The following LDHB variants were observed in gnomAD, a reference collection of about 807,000 sequenced individuals.
LDHB encodes the protein L-lactate dehydrogenase B chain.
In LDHB, 18 loss-of-function variants were observed where a neutral mutation model predicts 33.4. The observed-to-expected ratio is 0.54, with a 90% CI of 0.37 to 0.80. The LOEUF (loss-of-function observed/expected upper bound fraction) is 0.80. Ranked by LOEUF, LDHB falls within the 30% of genes least tolerant of loss-of-function variation. The pLI is 0.00. For synonymous variants in LDHB, 121 were observed against 140.6 expected, an observed-to-expected ratio of 0.86 and a Z score of 0.98; for missense variants, 345 against 407.9, an observed-to-expected ratio of 0.85 and a Z score of 1.33.
chr12:21,638,275 C>A, intron 6 of LDHB, 78 bp downstream of exon 6: 2 of 835,206 alleles, frequency 2.4e-6, no homozygotes, highest in Non-Finnish European at 4.2e-6. Context: ...TCTGAGCAGA[C>A]AGCCATGGAA....
Position 21,654,656 on chromosome 12 carries a change from C to T in LDHB, c.16G>A (p.Glu6Lys), listed in dbSNP as rs1441154808. The T allele has an allele frequency of 3.1e-6, 5 of 1,613,802 alleles. No individual in the cohort carries two copies. The highest frequency in any genetic ancestry group is 1.3e-5 in the African/African-American group (1 of 74,924). The change falls in exon 2 of 8, where the codon GAA becomes AAA. Residue 6 changes from glutamate to lysine, a missense_variant. Physicochemically the swap from Glu to Lys is moderately conservative, Grantham distance 56. Transcript: ENST00000350669. Reference sequence around the variant, plus strand: ...TCCGCAACTGGTGCAATGAGTTTTTCCTTAAGAGTTGCCATTTTGCACTGC... The same window carrying T: ...TCCGCAACTGGTGCAATGAGTTTTTTCTTAAGAGTTGCCATTTTGCACTGC... MATLK[E>K]KLIAPVAEEE...
chr12:21,644,434 A>AAACC (rs1555165032), intron 3 of LDHB, among the ~76,000 whole-genome samples: 8 of 104,556 alleles, frequency 7.7e-5, no homozygotes, highest in South Asian at 3.3e-4. Context: ...CAAAAAAAAA[A>AAACC]AAAAAAAAAA....
intron 2 of LDHB, among the ~76,000 whole-genome samples, chr12:21,648,133 T>C (rs1230388507): frequency 6.6e-6 from 1 of 152,216 alleles, no homozygotes; most frequent in Non-Finnish European, 1.5e-5. Context: ...AAACTGTTTA[T>C]AAAGTGGTTA....
intron 7 of LDHB, among the ~76,000 whole-genome samples, chr12:21,636,083 C>T (rs370451970): frequency 9.5e-4 from 145 of 152,138 alleles, no homozygotes; most frequent in South Asian, 6.4e-3. Flanking sequence ...TTGTAAGTAA[C>T]AAGTACTTAT....
At chr12:21,636,608 T>C (rs1446599271) in intron 7 of LDHB, among the ~76,000 whole-genome samples, 1 of 152,116 alleles carries the variant, frequency 6.6e-6, no homozygotes, top group African/African-American at 2.4e-5. Context: ...GTCAGTTGTC[T>C]TACAAAATAT....
At chr12:21,635,884 G>A (rs1219816606) in intron 7 of LDHB, among the ~76,000 whole-genome samples, 175 bp from the exon 8 acceptor site, 3 of 151,920 alleles carry the variant, frequency 2.0e-5, no homozygotes, top group African/African-American at 7.2e-5. Flanking sequence ...ATCTCTAAAG[G>A]GGGGAAAAAA....
rs899846116 is a variant in LDHB at position 21,656,773 on chromosome 12, A to C, written c.-7+978T>G. 1.2e-3 allele frequency among the ~76,000 whole-genome samples: 188 copies of C among 152,344 alleles called. 1 individual carries two copies. The highest frequency in any genetic ancestry group is 4.4e-3 in the African/African-American group (183 of 41,576). On this transcript the variant is annotated intron_variant, in intron 1 of 7. Transcript: ENST00000350669. ...CAGGCCTGTGCCAACATCAGAGTGC[A>C]GGCTGTAAGGAACAAGAACGACAAA...
chr12:21,645,962 G>A (rs1312853672), intron 3 of LDHB, among the ~76,000 whole-genome samples: 5 of 152,150 alleles, frequency 3.3e-5, no homozygotes, highest in African/African-American at 1.2e-4. Context: ...TCTAAAACAT[G>A]CTAGTTCTCA....
At chr12:21,638,920 G>C (rs1938288321) in intron 5 of LDHB, among the ~76,000 whole-genome samples, 1 of 151,752 alleles carries the variant, frequency 6.6e-6, no homozygotes, top group African/African-American at 2.4e-5. Context: ...TATGAAAGTG[G>C]GGTAAAAATT....
intron 2 of LDHB, among the ~76,000 whole-genome samples, chr12:21,652,179 G>C (rs1938710787): frequency 6.6e-6 from 1 of 152,198 alleles, no homozygotes; most frequent in African/African-American, 2.4e-5. Flanking sequence ...CAAATTTTGA[G>C]ATTAACAGAA....
intron 3 of LDHB, 26 bp downstream of exon 3, chr12:21,646,873 T>C (rs1229495976): frequency 1.5e-6 from 2 of 1,310,458 alleles, no homozygotes; most frequent in Non-Finnish European, 2.2e-6. Flanking sequence ...AAATATTAGA[T>C]CACTTTGGGC....
In LDHB at chr12:21,638,709, G is replaced by A. The variant is rs1044963552; in HGVS notation, c.596-239C>T. Among the ~76,000 whole-genome samples, 12 of 152,046 alleles carry A rather than the reference G, an allele frequency of 7.9e-5. No individual in the cohort carries two copies. The East Asian group carries it at 2.3e-3, about 29-fold the overall frequency. On this transcript the variant is annotated intron_variant, in intron 5 of 7. Transcript: ENST00000350669. ...AAGAATTTTAGTGCAAAGCAGAATT[G>A]CTGTGTCATAGTTACAGAGAAAATA...
At chr12:21,645,096 A>G (rs867196012) in intron 3 of LDHB, among the ~76,000 whole-genome samples, 2 of 152,090 alleles carry the variant, frequency 1.3e-5, no homozygotes, top group Non-Finnish European at 2.9e-5. Context: ...GCTCCCTGAA[A>G]CATGTGCTGT....
At chr12:21,636,755 T>G (rs1938228794) in intron 7 of LDHB, among the ~76,000 whole-genome samples, 1 of 152,150 alleles carries the variant, frequency 6.6e-6, no homozygotes, top group Non-Finnish European at 1.5e-5. Context: ...GTTTAGTACA[T>G]CAACTTTAAA....
chr12:21,653,863 T>C (rs1186398647), intron 2 of LDHB, among the ~76,000 whole-genome samples: 1 of 152,194 alleles, frequency 6.6e-6, no homozygotes, highest in Non-Finnish European at 1.5e-5. Context: ...AAGCCATGCA[T>C]GGCACAGATT....
At chr12:21,652,214 TTTAA>T (rs1938711562) in intron 2 of LDHB, among the ~76,000 whole-genome samples, 1 of 152,230 alleles carries the variant, frequency 6.6e-6, no homozygotes, top group Non-Finnish European at 1.5e-5. Flanking sequence ...CTAGCTAGTA[TTTAA>T]TTAATACATT....
In LDHB at chr12:21,647,006, T is replaced by C; in HGVS notation, c.140A>G (p.Asp47Gly). 1 of 1,611,654 alleles carries C rather than the reference T, an allele frequency of 6.2e-7. No homozygotes were observed. The highest frequency in any genetic ancestry group is 8.5e-7 in the Non-Finnish European group (1 of 1,177,960). The change falls in exon 3 of 8, where the codon GAT (aspartate) becomes GGT (glycine). Residue 47 changes from aspartate to glycine, a missense_variant. Coordinates refer to ENST00000350669, the MANE Select transcript of LDHB (RefSeq NM_002300.8). The part of the protein sequence containing the change: ...AISILGKSLA[D>G]ELALVDVLED... Reference sequence around the variant, plus strand: ...CAAAACATCCACAAGAGCAAGTTCATCAGCCAGAGACTGTAAACGCAAAAA... The same window carrying C: ...CAAAACATCCACAAGAGCAAGTTCACCAGCCAGAGACTGTAAACGCAAAAA...
rs869042233 is a variant in LDHB at position 21,640,154 on chromosome 12, A to AT, written c.596-1685dup. On this transcript the variant is annotated intron_variant, in intron 5 of 7. Coordinates refer to ENST00000350669, the MANE Select transcript of LDHB (RefSeq NM_002300.8). ...AGTTTCAATATTGGATTATTTTATT[A>AT]TTTTTTTTTGCCATGAGCTTATTCA... 4.1e-4 allele frequency among the ~76,000 whole-genome samples: 6 copies of AT among 14,618 alleles called. No homozygotes were observed. In the Non-Finnish European group the frequency reaches 0.022, roughly 52 times the overall value. 9.6% of individuals were successfully genotyped at this position (14,618 alleles called of 152,430 possible). A position where few individuals can be genotyped will look rare whatever the true frequency, so the allele number is the denominator to read the frequency against.
chr12:21,643,062 A>G (rs1213392474), intron 4 of LDHB, among the ~76,000 whole-genome samples: 1 of 152,240 alleles, frequency 6.6e-6, no homozygotes, highest in African/African-American at 2.4e-5. Flanking sequence ...GAGAAGTTTT[A>G]TATATAAGAC....
Sources: gnomAD v4.1 joint callset for allele counts (sites outside exome capture counted in the v4.1 genomes callset) on GRCh38, gnomAD v4.1.1 for gene constraint, MANE v1.5 for transcripts, NCBI Gene and HGNC (gene_info 2026-07-23, HGNC 2026-07-21) for gene names.